The following FNDC3B variants were observed in gnomAD, a reference collection of about 807,000 sequenced individuals.
The protein encoded by FNDC3B is fibronectin type III domain-containing protein 3B.
FNDC3B carries 12 observed loss-of-function variants against 151.5 expected under a neutral mutation model. That is an observed-to-expected ratio of 0.08 (90% CI 0.05 to 0.13). The LOEUF is 0.13. Ranked by LOEUF, FNDC3B falls within the 10% of genes least tolerant of loss-of-function variation. The probability of loss-of-function intolerance (pLI) is 1.00; values close to 1 mark genes in which losing one functional copy is unlikely to be tolerated. For synonymous variants in FNDC3B, 528 were observed against 549.0 expected (o/e 0.96, Z 0.54); for missense variants, 1,214 against 1,505.3 (o/e 0.81, Z 3.20).
chr3:172,091,493 A>C (rs2108510817), intron 1 of FNDC3B, among the ~76,000 whole-genome samples: 1 of 152,090 alleles, frequency 6.6e-6, no homozygotes, highest in Non-Finnish European at 1.5e-5. Flanking sequence ...GAATTTTAAA[A>C]ATAGATTTAG....
intron 11 of FNDC3B, among the ~76,000 whole-genome samples, chr3:172,314,627 G>T (rs1231808820): frequency 3.3e-5 from 5 of 152,188 alleles, no homozygotes; most frequent in Admixed American, 1.3e-4. Context: ...GTAAAATTTT[G>T]AAAGTGTTGG....
intron 3 of FNDC3B, among the ~76,000 whole-genome samples, chr3:172,162,181 G>C (rs1256061320): frequency 2.0e-5 from 3 of 152,130 alleles, no homozygotes; most frequent in Non-Finnish European, 4.4e-5. Context: ...GCTTCACCCT[G>C]TTGGCCAGGC....
At chr3:172,315,983 CCTTCTTCTTT>C (rs1731763488) in intron 11 of FNDC3B, among the ~76,000 whole-genome samples, 1 of 149,884 alleles carries the variant, frequency 6.7e-6, no homozygotes, top group Non-Finnish European at 1.5e-5. Flanking sequence ...CTTCTCTTTT[CCTTCTTCTTT>C]CTTCTTCTTT....
At chr3:172,091,737 G>A (rs906214415) in intron 1 of FNDC3B, among the ~76,000 whole-genome samples, 13 of 152,124 alleles carry the variant, frequency 8.5e-5, no homozygotes, top group African/African-American at 3.1e-4. Flanking sequence ...GCTTTTATTT[G>A]TAGGAAATAC....
intron 23 of FNDC3B, among the ~76,000 whole-genome samples, chr3:172,363,418 G>T (rs1390659419): frequency 2.0e-5 from 3 of 152,144 alleles, no homozygotes; most frequent in African/African-American, 7.2e-5. Context: ...CGTAGTATTT[G>T]TTTAACCTAA....
intron 3 of FNDC3B, among the ~76,000 whole-genome samples, chr3:172,190,121 G>C (rs1349320073): frequency 6.6e-6 from 1 of 152,140 alleles, no homozygotes; most frequent in Non-Finnish European, 1.5e-5. Context: ...CTGGAGCCTT[G>C]CTAGAATGCT....
At chr3:172,065,838 A>G (rs955416138) in intron 1 of FNDC3B, among the ~76,000 whole-genome samples, 1 of 152,088 alleles carries the variant, frequency 6.6e-6, no homozygotes, top group South Asian at 2.1e-4. Context: ...TCCTCTGCAA[A>G]GTTTTTCTTT....
intron 1 of FNDC3B, among the ~76,000 whole-genome samples, chr3:172,041,029 C>T (rs559335811): frequency 4.6e-5 from 7 of 152,328 alleles, no homozygotes; most frequent in African/African-American, 1.7e-4. Flanking sequence ...TGCAGACTTC[C>T]TTAAAAGTTA....
At chr3:172,383,566 C>T (rs747037925) in intron 25 of FNDC3B, among the ~76,000 whole-genome samples, 11 of 152,190 alleles carry the variant, frequency 7.2e-5, no homozygotes, top group South Asian at 2.1e-4. Flanking sequence ...AGGAATCACC[C>T]GGGAATCTGT....
chr3:172,338,420 A>C (rs746353312), intron 16 of FNDC3B: 11 of 152,106 alleles, frequency 7.2e-5, no homozygotes, highest in Non-Finnish European at 1.3e-4. Context: ...ACAAATTCCC[A>C]TGCATGATTA....
intron 3 of FNDC3B, among the ~76,000 whole-genome samples, chr3:172,200,714 AC>A (rs1023320534): frequency 1.3e-5 from 2 of 152,036 alleles, no homozygotes; most frequent in African/African-American, 4.8e-5. Context: ...TCAGAATGTA[AC>A]CCCCCTCTTA....
intron 10 of FNDC3B, among the ~76,000 whole-genome samples, chr3:172,310,095 A>G (rs1247203054): frequency 2.0e-5 from 3 of 152,070 alleles, no homozygotes; most frequent in African/African-American, 7.2e-5. Flanking sequence ...AGATCTGTCT[A>G]CCCTAATGCT....
chr3:172,274,741 G>A (rs1416851271), intron 6 of FNDC3B, among the ~76,000 whole-genome samples: 1 of 152,074 alleles, frequency 6.6e-6, no homozygotes, highest in East Asian at 1.9e-4. Context: ...ATGAGGGAAG[G>A]ATCTATTCTA....
At chr3:172,269,589 T>C (rs1262301165) in intron 6 of FNDC3B, among the ~76,000 whole-genome samples, 1 of 152,144 alleles carries the variant, frequency 6.6e-6, no homozygotes, top group Non-Finnish European at 1.5e-5. Flanking sequence ...TTCTTCAGAT[T>C]GTAGAGCCAA....
chr3:172,052,320 C>T (rs1315127421), intron 1 of FNDC3B, among the ~76,000 whole-genome samples: 5 of 151,854 alleles, frequency 3.3e-5, no homozygotes, highest in Non-Finnish European at 5.9e-5. Context: ...TCAAGCGATC[C>T]GCCCACCTTG....
At position 172,354,826 on chromosome 3, in the gene FNDC3B, C is replaced by A. The variant is rs548967828; in HGVS notation, c.2795+1743C>A. On this transcript the variant is annotated intron_variant, in intron 22 of 25. Transcript: ENST00000415807. ...TGTGGAATGAAACATTTTAAGCAGA[C>A]CATGGAGCTTGGATAAAAGACTTGT... 5.3e-5 allele frequency among the ~76,000 whole-genome samples: 8 copies of A among 150,770 alleles called. No individual in the cohort carries two copies. In the South Asian group the frequency reaches 1.7e-3, roughly 32 times the overall value.
At chr3:172,205,805 T>A (rs939917152) in intron 3 of FNDC3B, among the ~76,000 whole-genome samples, 1 of 152,204 alleles carries the variant, frequency 6.6e-6, no homozygotes, top group Admixed American at 6.5e-5. Context: ...TTTGTTTTTG[T>A]CACAGAAAGA....
intron 1 of FNDC3B, chr3:172,046,895 G>T (rs997478002): frequency 3.3e-5 from 5 of 152,108 alleles, no homozygotes; most frequent in African/African-American, 9.7e-5. Flanking sequence ...GATGTTTTTG[G>T]AATCTTGTAT....
intron 22 of FNDC3B, among the ~76,000 whole-genome samples, chr3:172,360,267 G>A (rs890019963): frequency 6.6e-6 from 1 of 152,126 alleles, no homozygotes; most frequent in African/African-American, 2.4e-5. Flanking sequence ...CTTTGGTGGA[G>A]TGTCTATTCT....
Sources: allele counts gnomAD v4.1 joint callset (sites outside exome capture counted in the v4.1 genomes callset), GRCh38; gene constraint gnomAD v4.1.1; transcripts MANE v1.5; gene names NCBI Gene and HGNC (gene_info 2026-07-23, HGNC 2026-07-21).